The following TJP2 variants were observed in gnomAD, a reference collection of about 807,000 sequenced individuals.
The protein encoded by TJP2 is tight junction protein 2.
In TJP2, 91 loss-of-function variants were observed where a neutral mutation model predicts 133.1. That is an observed-to-expected ratio of 0.68 (90% CI 0.58 to 0.81). TJP2 has a LOEUF of 0.81. Among genes scored for constraint, TJP2 ranks in the 40% least tolerant of loss-of-function variants. The probability of loss-of-function intolerance (pLI) is 0.00; values close to 1 mark genes in which losing one functional copy is unlikely to be tolerated. For synonymous variants in TJP2, 592 were observed against 583.4 expected, an observed-to-expected ratio of 1.01 and a Z score of -0.21; for missense variants, 1,541 against 1,565.6, an observed-to-expected ratio of 0.98 and a Z score of 0.26.
intron 3 of TJP2, among the ~76,000 whole-genome samples, 168 bp from the exon 4 acceptor site, chr9:69,218,089 T>C (rs1211618882): frequency 6.6e-6 from 1 of 152,226 alleles, no homozygotes. Flanking sequence ...CCAGTTCCTT[T>C]CTTTGGAAGA....
At chr9:69,186,941 TA>T (rs1825898288) in intron 1 of TJP2, among the ~76,000 whole-genome samples, 1 of 152,188 alleles carries the variant, frequency 6.6e-6, no homozygotes, top group Non-Finnish European at 1.5e-5. Flanking sequence ...ACCTGGTTTT[TA>T]AAGATAAATT....
intron 1 of TJP2, among the ~76,000 whole-genome samples, chr9:69,139,654 C>T (rs894099673): frequency 6.6e-6 from 1 of 152,142 alleles, no homozygotes; most frequent in Non-Finnish European, 1.5e-5. Context: ...CCCCAGGAAA[C>T]TAATTCAGGC....
At chr9:69,134,994 A>C (rs1483663862) in intron 1 of TJP2, among the ~76,000 whole-genome samples, 2 of 151,226 alleles carry the variant, frequency 1.3e-5, no homozygotes, top group Non-Finnish European at 3.0e-5. Context: ...AGAGAGAGAG[A>C]GATCTGTTTC....
intron 1 of TJP2, among the ~76,000 whole-genome samples, chr9:69,178,710 G>T (rs571769636): frequency 6.6e-6 from 1 of 152,154 alleles, no homozygotes; most frequent in African/African-American, 2.4e-5. Flanking sequence ...TTGTTTTAAC[G>T]TCTGGCCCAA....
chr9:69,230,307 G>A (rs1829676763), intron 11 of TJP2, 75 bp downstream of exon 11: 1 of 1,592,424 alleles, frequency 6.3e-7, no homozygotes, highest in Non-Finnish European at 8.6e-7. Context: ...TTCTGTAAGG[G>A]AAGACAAAAT....
rs866010571 is a variant in TJP2, at chr9:69,234,542, C to T, written c.1775C>T (p.Ala592Val). The T allele has an allele frequency of 6.9e-7, 1 of 1,442,204 alleles. No homozygotes were observed. The allele number at this position is 1,442,204 out of a possible 1,614,324, so 89.3% of individuals were successfully genotyped here. A position where few individuals can be genotyped will look rare whatever the true frequency, so the allele number is the denominator to read the frequency against. ...EMVTILAQSR[A>V]DVYRDILACG... ...GTGACCATTTTAGCTCAGAGCCGAG[C>T]CGATGGTGAGCAAATTTGGTCATTT... Residue 592 changes from alanine (A) to valine (V), a missense_variant, in exon 12 of 23, where the codon GCC becomes GTC. Transcript: ENST00000377245.
At chr9:69,243,640 T>C (rs199780680) in intron 17 of TJP2, among the ~76,000 whole-genome samples, 17 of 152,246 alleles carry the variant, frequency 1.1e-4, no homozygotes, top group South Asian at 4.1e-4. Context: ...AGTTGACTTA[T>C]GGATTTAGAG....
rs1199198187 is a variant in TJP2 at position 69,127,414 on chromosome 9, G to T, written c.-131+5689G>T. ...TACAAAAACTTTAAAAATTAGCTGGGCATGGTAGTTTATGCCTATAGTCCC... is the reference window on the plus strand; with the variant it reads ...TACAAAAACTTTAAAAATTAGCTGGTCATGGTAGTTTATGCCTATAGTCCC... On this transcript the variant is annotated intron_variant, in intron 1 of 5. Transcript: ENST00000423935. Among the ~76,000 whole-genome samples the T allele has an allele frequency of 3.9e-5, 3 of 76,080 alleles. 1 individual carries two copies. Among genetic ancestry groups the T allele is most frequent in the African/African-American group, 1.2e-4 (3 of 24,822 alleles). 49.9% of individuals were successfully genotyped at this position (76,080 alleles called of 152,430 possible).
chr9:69,181,750 T>A (rs1825529037), intron 1 of TJP2, among the ~76,000 whole-genome samples: 1 of 152,238 alleles, frequency 6.6e-6, no homozygotes. Flanking sequence ...TTCTTTTTTT[T>A]TTAGAGATCC....
At chr9:69,159,674 C>G (rs1006075070) in intron 2 of TJP2, among the ~76,000 whole-genome samples, 3 of 151,868 alleles carry the variant, frequency 2.0e-5, no homozygotes, top group East Asian at 1.9e-4. Context: ...GTCAGGAGAT[C>G]GAGACCATCC....
chr9:69,209,751 C>A (rs1304963076), intron 1 of TJP2, among the ~76,000 whole-genome samples: 60 of 136,182 alleles, frequency 4.4e-4, no homozygotes, highest in Admixed American at 6.1e-4. Context: ...AACTCCATCT[C>A]AAAAAAAAAA....
intron 3 of TJP2, 110 bp downstream of exon 3, chr9:69,216,573 CTT>C: frequency 8.3e-7 from 1 of 1,201,180 alleles, no homozygotes; most frequent in Non-Finnish European, 1.2e-6. Context: ...AAATAACAAA[CTT>C]TTATATAATA....
intron 1 of TJP2, among the ~76,000 whole-genome samples, chr9:69,206,215 T>C (rs1468683987): frequency 6.6e-6 from 1 of 152,124 alleles, no homozygotes; most frequent in African/African-American, 2.4e-5. Flanking sequence ...TGAAAGCACA[T>C]TGAAGATCCT....
At chr9:69,240,224 T>A in intron 17 of TJP2, 77 bp downstream of exon 17, 1 of 1,320,200 alleles carries the variant, frequency 7.6e-7, no homozygotes, top group Non-Finnish European at 1.1e-6. Flanking sequence ...AATAATTAAT[T>A]AATCTGAATG....
At chr9:69,201,160 A>C (rs1037215790) in intron 1 of TJP2, among the ~76,000 whole-genome samples, 3 of 152,178 alleles carry the variant, frequency 2.0e-5, no homozygotes, top group African/African-American at 7.2e-5. Flanking sequence ...CTTTCTGTCC[A>C]CAGGGCCAGG....
chr9:69,148,291 A>G (rs1056813789), intron 1 of TJP2, among the ~76,000 whole-genome samples: 4 of 129,546 alleles, frequency 3.1e-5, no homozygotes, highest in African/African-American at 1.1e-4. Context: ...AAAAAAAGCC[A>G]CAATTGGAAG....
chr9:69,200,243 C>T (rs535777250), intron 1 of TJP2, among the ~76,000 whole-genome samples: 37 of 152,316 alleles, frequency 2.4e-4, no homozygotes, highest in African/African-American at 8.7e-4. Context: ...AGAATGCCCA[C>T]CCACCTGACC....
chr9:69,133,330 A>C (rs1232237082), intron 1 of TJP2, among the ~76,000 whole-genome samples: 1 of 152,164 alleles, frequency 6.6e-6, no homozygotes, highest in Non-Finnish European at 1.5e-5. Context: ...AGGGGCTGGC[A>C]CAGTAGAAAT....
At chr9:69,179,906 A>G (rs1222880311) in intron 1 of TJP2, among the ~76,000 whole-genome samples, 1 of 152,180 alleles carries the variant, frequency 6.6e-6, no homozygotes, top group African/African-American at 2.4e-5. Flanking sequence ...CAAGGATCTT[A>G]TGTCACATTC....
Sources: allele counts gnomAD v4.1 joint callset (sites outside exome capture counted in the v4.1 genomes callset), GRCh38; gene constraint gnomAD v4.1.1; transcripts MANE v1.5; gene names NCBI Gene and HGNC (gene_info 2026-07-23, HGNC 2026-07-21).